PKNOX2: variants seen among roughly 807,000 people sequenced by gnomAD.
PKNOX2 encodes the protein homeobox protein PKNOX2.
In PKNOX2, 14 loss-of-function variants were observed where a neutral mutation model predicts 53.1. The observed-to-expected ratio is 0.26, with a 90% confidence interval of 0.17 to 0.41. The LOEUF (loss-of-function observed/expected upper bound fraction) is 0.41. Among genes scored for constraint, PKNOX2 ranks in the 10% least tolerant of loss-of-function variants. The probability of loss-of-function intolerance (pLI) is 1.00; values close to 1 mark genes in which losing one functional copy is unlikely to be tolerated. For missense variants in PKNOX2, 496 were observed against 602.8 expected (o/e 0.82, Z 1.85); for synonymous variants, 257 against 242.8 (o/e 1.06, Z -0.54).
At chr11:125,250,603 G>C (rs1031960315) in intron 2 of PKNOX2, among the ~76,000 whole-genome samples, 1 of 152,214 alleles carries the variant, frequency 6.6e-6, no homozygotes, top group Admixed American at 6.5e-5. Context: ...GGAAAACAGA[G>C]AGAGGTCAGG....
intron 2 of PKNOX2, among the ~76,000 whole-genome samples, chr11:125,278,314 C>T (rs962655021): frequency 2.6e-5 from 4 of 152,118 alleles, no homozygotes; most frequent in African/African-American, 9.7e-5. Flanking sequence ...AAGCTGTCCC[C>T]AACAGAAAGG....
At chr11:125,268,809 C>T (rs184883430) in intron 2 of PKNOX2, among the ~76,000 whole-genome samples, 21 of 152,254 alleles carry the variant, frequency 1.4e-4, no homozygotes, top group African/African-American at 4.8e-4. Context: ...TTGGCTGCAT[C>T]ATCTCTGAGA....
At chr11:125,346,758 AAGGGAGGAAGGAGGG>A (rs1950991071) in intron 3 of PKNOX2, among the ~76,000 whole-genome samples, 1 of 148,890 alleles carries the variant, frequency 6.7e-6, no homozygotes, top group South Asian at 2.1e-4. Flanking sequence ...GGAAGGAAGG[AAGGGAGGAAGGAGGG>A]AGGGAAGAAG....
chr11:125,212,211 T>TA (rs1357920899), intron 1 of PKNOX2, among the ~76,000 whole-genome samples: 15 of 152,194 alleles, frequency 9.9e-5, no homozygotes, highest in African/African-American at 3.4e-4. Context: ...TGCAGCTGGT[T>TA]AAGCAGGAGA....
chr11:125,392,401 G>T (rs780332808), intron 6 of PKNOX2, among the ~76,000 whole-genome samples: 2 of 152,208 alleles, frequency 1.3e-5, no homozygotes, highest in Non-Finnish European at 2.9e-5. Context: ...CATTGATAGT[G>T]TTGCCTACCT....
rs372849860 is a variant in PKNOX2, at chr11:125,344,579, G to C, written c.-22-6705G>C. 6.6e-5 allele frequency among the ~76,000 whole-genome samples: 10 copies of C among 152,190 alleles called. No individual in the cohort carries two copies. The East Asian group carries it at 9.6e-4, about 15-fold the overall frequency. On this transcript the variant is annotated intron_variant, in intron 3 of 12. Transcript: ENST00000298282. ...TGCTCTGTCCCCACTCTGTTCCCTGGACACCAGCATCGTGATATTAGGGCA... is the reference window on the plus strand; with the variant it reads ...TGCTCTGTCCCCACTCTGTTCCCTGCACACCAGCATCGTGATATTAGGGCA...
At chr11:125,340,398 C>T (rs1003731550) in intron 3 of PKNOX2, among the ~76,000 whole-genome samples, 16 of 152,194 alleles carry the variant, frequency 1.1e-4, no homozygotes, top group Non-Finnish European at 2.1e-4. Flanking sequence ...TCCTTCCCTG[C>T]TATTTCCTGC....
intron 2 of PKNOX2, among the ~76,000 whole-genome samples, chr11:125,272,073 T>G (rs1945833058): frequency 6.6e-6 from 1 of 152,160 alleles, no homozygotes; most frequent in Non-Finnish European, 1.5e-5. Context: ...CTGACAAATA[T>G]CCAATAACCC....
chr11:125,352,291 T>A lies in PKNOX2; in HGVS notation c.87+899T>A, dbSNP rs1389881564. ...CTCCTGTCAATATGAATTCAATAATTATTTATTGGGCACCTGTGATGTGAA... is the reference window on the plus strand; with the variant it reads ...CTCCTGTCAATATGAATTCAATAATAATTTATTGGGCACCTGTGATGTGAA... On this transcript the variant is annotated intron_variant, in intron 4 of 12. Coordinates refer to ENST00000298282, the MANE Select transcript of PKNOX2 (RefSeq NM_001382323.2). This position sits in a 1 kb window ranked among gnomAD's most constrained non-coding sequence, Gnocchi z 4.1. 6.6e-6 allele frequency among the ~76,000 whole-genome samples: 1 copy of A among 152,192 alleles called. No individual in the cohort carries two copies. The highest frequency in any genetic ancestry group is 1.5e-5 in the Non-Finnish European group (1 of 68,032).
intron 2 of PKNOX2, among the ~76,000 whole-genome samples, chr11:125,251,608 G>T (rs1259802191): frequency 6.6e-6 from 1 of 151,894 alleles, no homozygotes; most frequent in Admixed American, 6.6e-5. Flanking sequence ...TGGGAGCTGA[G>T]ATCTACACAG....
At chr11:125,337,425 T>A (rs529325515) in intron 3 of PKNOX2, among the ~76,000 whole-genome samples, 1 of 152,344 alleles carries the variant, frequency 6.6e-6, no homozygotes, top group South Asian at 2.1e-4. Context: ...ACTGGCTTTG[T>A]CTTCATACTT....
At chr11:125,181,542 C>T (rs576618966) in intron 1 of PKNOX2, among the ~76,000 whole-genome samples, 4 of 152,214 alleles carry the variant, frequency 2.6e-5, no homozygotes, top group Non-Finnish European at 5.9e-5. Flanking sequence ...TCCCTTAATA[C>T]ACGCATTTGA....
intron 1 of PKNOX2, among the ~76,000 whole-genome samples, chr11:125,174,689 C>T (rs1029825331): frequency 5.3e-5 from 8 of 152,122 alleles, no homozygotes; most frequent in South Asian, 2.1e-4. Flanking sequence ...CTGCAGGGGC[C>T]GGGAGAGTGC....
intron 6 of PKNOX2, among the ~76,000 whole-genome samples, chr11:125,393,185 G>A (rs983663538): frequency 3.3e-5 from 5 of 151,268 alleles, no homozygotes; most frequent in Non-Finnish European, 7.4e-5. Flanking sequence ...AGAGAGAAGA[G>A]AAAGTTAATT....
chr11:125,283,590 C>T (rs1197598433), intron 2 of PKNOX2, among the ~76,000 whole-genome samples: 2 of 152,216 alleles, frequency 1.3e-5, no homozygotes, highest in African/African-American at 4.8e-5. Context: ...GGGCCACAGC[C>T]TGTGTGTTTT....
At position 125,215,314 on chromosome 11, in the gene PKNOX2, GA is replaced by G. The variant is rs552429707; in HGVS notation, c.-200-19730del. On this transcript the variant is annotated intron_variant, in intron 1 of 12. Transcript: ENST00000298282. ...GAGAGGGCTCAGGACTGTGAGTTAGGAGAATCAGCACTGTGTGTGTCACAGT... is the reference window on the plus strand; with the variant it reads ...GAGAGGGCTCAGGACTGTGAGTTAGGGAATCAGCACTGTGTGTGTCACAGT... 2.8e-4 allele frequency among the ~76,000 whole-genome samples: 43 copies of G among 152,210 alleles called. 1 individual carries two copies. Among genetic ancestry groups the G allele is most frequent in the African/African-American group, 1.0e-3 (42 of 41,552 alleles).
In PKNOX2 at chr11:125,240,510, C is replaced by T. The variant is rs1038714051; in HGVS notation, c.-130+5395C>T. Among the ~76,000 whole-genome samples, 1 of 152,092 alleles carries T rather than the reference C, an allele frequency of 6.6e-6. No homozygotes were observed. Among genetic ancestry groups the T allele is most frequent in the African/African-American group, 2.4e-5 (1 of 41,416 alleles). On this transcript the variant is annotated intron_variant, in intron 2 of 12. Coordinates refer to ENST00000298282, the MANE Select transcript of PKNOX2 (RefSeq NM_001382323.2). The surrounding 1 kb of genome is among the most constrained non-coding windows in gnomAD (Gnocchi z 4.3). ...AGGTGGAAAGGGAGAGAGACCCTTTCCCGCTGCAAGCAGGGCAAGAGGCTT... is the reference window on the plus strand; with the variant it reads ...AGGTGGAAAGGGAGAGAGACCCTTTTCCGCTGCAAGCAGGGCAAGAGGCTT...
intron 2 of PKNOX2, among the ~76,000 whole-genome samples, chr11:125,323,697 A>T (rs1949659497): frequency 6.6e-6 from 1 of 152,224 alleles, no homozygotes; most frequent in Non-Finnish European, 1.5e-5. Context: ...AAGGCATGGA[A>T]GGAAAAGTCA....
chr11:125,363,715 T>A (rs1017526205), intron 4 of PKNOX2, among the ~76,000 whole-genome samples: 1 of 152,166 alleles, frequency 6.6e-6, no homozygotes, highest in African/African-American at 2.4e-5. Flanking sequence ...CAGCTGTGAA[T>A]GCACCAAGTG....
Sources: allele counts gnomAD v4.1 joint callset (sites outside exome capture counted in the v4.1 genomes callset), GRCh38; gene constraint gnomAD v4.1.1; non-coding constraint Gnocchi (gnomAD v3.1); transcripts MANE v1.5; gene names NCBI Gene and HGNC (gene_info 2026-07-23, HGNC 2026-07-21).